The following ERBB2 variants were observed in gnomAD, a reference collection of about 807,000 sequenced individuals.
ERBB2 encodes the protein receptor tyrosine-protein kinase erbB-2.
ERBB2 carries 61 observed loss-of-function variants against 149.0 expected under a neutral mutation model. That is an observed-to-expected ratio of 0.41 (90% CI 0.33 to 0.51). ERBB2 has a LOEUF of 0.51. Ranked by LOEUF, ERBB2 falls within the 20% of genes least tolerant of loss-of-function variation. ERBB2 has a pLI of 0.25. For missense variants in ERBB2, 1,205 were observed against 1,655.1 expected (o/e 0.73, Z 4.72); for synonymous variants, 633 against 678.8 (o/e 0.93, Z 1.05).
chr17:39,698,998 A>AT (rs2057945551), upstream of ERBB2, among the ~76,000 whole-genome samples: 2 of 151,804 alleles, frequency 1.3e-5, no homozygotes, highest in Non-Finnish European at 2.9e-5. Context: ...CCCCACCCCT[A>AT]CCACTAGGCC....
In ERBB2 at chr17:39,726,405, G is replaced by A. The variant is rs750034833; in HGVS notation, c.2873-157G>A. 2 of 631,776 alleles carry A rather than the reference G, an allele frequency of 3.2e-6. No individual in the cohort carries two copies. Among genetic ancestry groups the A allele is most frequent in the Non-Finnish European group, 5.7e-6 (2 of 349,042 alleles). 39.1% of individuals were successfully genotyped at this position (631,776 alleles called of 1,614,324 possible). ...ACTAGAAGAGATGCCAAAGGTTCTG[G>A]CTGAAGACCCCAGAGTCTGGTGCTA... is the stretch of plus-strand genomic sequence containing the variant. On this transcript the variant is annotated intron_variant, in intron 23 of 26. Transcript: ENST00000269571. The surrounding 1 kb of genome is among the most constrained non-coding windows in gnomAD (Gnocchi z 5.1).
Position 39,723,892 on chromosome 17 carries a change from A to G in ERBB2, c.2209-20A>G. 6.2e-7 allele frequency: 1 copy of G among 1,601,478 alleles called. No homozygotes were observed. The highest frequency in any genetic ancestry group is 1.1e-5 in the South Asian group (1 of 90,802). ...TCCAGCCCACGCTCTTCTCACTCAT[A>G]TCCTCCTCTTTCTGCCCAGGGCATC... On this transcript the variant is annotated intron_variant, in intron 18 of 26. Transcript: ENST00000269571. The surrounding 1 kb of genome is among the most constrained non-coding windows in gnomAD (Gnocchi z 6.2).
chr17:39,712,485 GCAGA>G (rs1567902833), intron 9 of ERBB2, 37 bp downstream of exon 9: 2 of 1,607,512 alleles, frequency 1.2e-6, no homozygotes, highest in Admixed American at 1.7e-5. Context: ...CAGTGTCAGG[GCAGA>G]CAGAGTCCTG....
chr17:39,721,346 A>G (rs527963729), intron 16 of ERBB2, among the ~76,000 whole-genome samples: 1 of 148,048 alleles, frequency 6.8e-6, no homozygotes, highest in East Asian at 2.0e-4. Flanking sequence ...GCTCACTGCA[A>G]CCTCTGCCTC....
At chr17:39,724,548 G>A (rs2059640607) in intron 19 of ERBB2, among the ~76,000 whole-genome samples, 178 bp from the exon 20 acceptor site, 1 of 151,890 alleles carries the variant, frequency 6.6e-6, no homozygotes, top group African/African-American at 2.4e-5. Context: ...GTGAGCCACC[G>A]TGCCCGGCCT....
chr17:39,695,284 AAG>A (rs2057833581), upstream of ERBB2: 1 of 152,260 alleles, frequency 6.6e-6, no homozygotes, highest in African/African-American at 2.4e-5. Flanking sequence ...AGATGTGGGT[AAG>A]AGGGGCCCAG....
At position 39,723,877 on chromosome 17, in the gene ERBB2, G is replaced by A. The variant is rs1340911324; in HGVS notation, c.2209-35G>A. 6.4e-7 allele frequency: 1 copy of A among 1,573,038 alleles called. No homozygotes were observed. Among genetic ancestry groups the A allele is most frequent in the Non-Finnish European group, 8.7e-7 (1 of 1,143,092 alleles). On this transcript the variant is annotated intron_variant, in intron 18 of 26. Transcript: ENST00000269571. The surrounding 1 kb of genome is among the most constrained non-coding windows in gnomAD (Gnocchi z 6.2). ...GGAAGGCAGGTAGGATCCAGCCCAC[G>A]CTCTTCTCACTCATATCCTCCTCTT...
At chr17:39,705,097 A>G (rs2058346138) in intron 1 of ERBB2, among the ~76,000 whole-genome samples, 1 of 151,768 alleles carries the variant, frequency 6.6e-6, no homozygotes, top group South Asian at 2.1e-4. Flanking sequence ...TGCAAGATGG[A>G]GGTTGCAGCC....
chr17:39,710,564 C>T, intron 7 of ERBB2, 83 bp downstream of exon 7: 1 of 1,487,198 alleles, frequency 6.7e-7, no homozygotes, highest in Non-Finnish European at 9.2e-7. Context: ...GGAGCACTGT[C>T]TGCATCTTGC....
In ERBB2 at chr17:39,723,692, A is replaced by G. The variant is rs2145818541; in HGVS notation, c.2208+32A>G. 1 of 1,589,228 alleles carries G rather than the reference A, an allele frequency of 6.3e-7. No homozygotes were observed. Among genetic ancestry groups the G allele is most frequent in the Non-Finnish European group, 8.6e-7 (1 of 1,167,800 alleles). On this transcript the variant is annotated intron_variant, in intron 18 of 26. Coordinates refer to ENST00000269571, the MANE Select transcript of ERBB2 (RefSeq NM_004448.4). The surrounding 1 kb of genome is among the most constrained non-coding windows in gnomAD (Gnocchi z 6.2). ...GCCAGGTCCTGGGGTGGGCGGCCCC[A>G]GAGGATGGGGGCGGTGCCTGGAGGG...
At chr17:39,689,660 C>G (rs930019645) in intron 2 of ERBB2, among the ~76,000 whole-genome samples, 15 of 152,038 alleles carry the variant, frequency 9.9e-5, no homozygotes, top group Non-Finnish European at 4.4e-5. Context: ...AATCCCAGCA[C>G]TTTGGGAGGC....
Position 39,717,541 on chromosome 17 carries a change from C to T in ERBB2, c.1898+61C>T, listed in dbSNP as rs148188445. ...TTTCCTTTCAGGGGTCTTTCTGGGG[C>T]TCTTACTATAAAAGGGGACCAACTC... is the stretch of plus-strand genomic sequence containing the variant. On this transcript the variant is annotated intron_variant, in intron 15 of 26. Transcript: ENST00000269571. 3.4e-3 allele frequency: 4,931 copies of T among 1,440,464 alleles called. 13 individuals are homozygous for T. The highest frequency in any genetic ancestry group is 4.4e-3 in the Non-Finnish European group (4,637 of 1,053,520). The allele number at this position is 1,440,464 out of a possible 1,614,324, so 89.2% of individuals were successfully genotyped here.
upstream of ERBB2, among the ~76,000 whole-genome samples, chr17:39,692,018 T>C (rs772008592): frequency 2.7e-5 from 4 of 150,660 alleles, no homozygotes; most frequent in Non-Finnish European, 5.9e-5. Context: ...CACATCCGGC[T>C]AATTTTTGTA....
intron 11 of ERBB2, 85 bp from the exon 12 acceptor site, chr17:39,715,655 A>T (rs1597873113): frequency 6.4e-7 from 1 of 1,564,102 alleles, no homozygotes; most frequent in East Asian, 2.2e-5. Flanking sequence ...AAGTCTGCAG[A>T]GTGTGCTGGG....
At chr17:39,690,276 C>T (rs547593853), upstream of ERBB2, among the ~76,000 whole-genome samples, 3 of 152,164 alleles carry the variant, frequency 2.0e-5, no homozygotes, top group South Asian at 4.1e-4. Context: ...TGTAGAGACA[C>T]GGTCTTGCTA....
chr17:39,710,710 T>G (rs1244688743), intron 7 of ERBB2, among the ~76,000 whole-genome samples: 1 of 152,200 alleles, frequency 6.6e-6, no homozygotes, highest in Admixed American at 6.5e-5. Context: ...CCCAGCTCTA[T>G]CAATTAGTAG....
In ERBB2 at chr17:39,725,815, C is replaced by T. The variant is rs2059723988; in HGVS notation, c.2834C>T (p.Pro945Leu). ...LEKGERLPQPPICTIDVYMIM... is the reference protein window; with the variant it reads ...LEKGERLPQPLICTIDVYMIM... ...AAGGGGGAGCGGCTGCCCCAGCCCCCCATCTGCACCATTGATGTCTACATG... is the reference window on the plus strand; with the variant it reads ...AAGGGGGAGCGGCTGCCCCAGCCCCTCATCTGCACCATTGATGTCTACATG... Residue 945 changes from proline to leucine, a missense_variant, in exon 23 of 27, where the codon CCC (proline) becomes CTC (leucine). Around this residue, in one of 6 missense-constraint regions of ERBB2, gnomAD observed 63 missense variants for 74.2 expected, o/e 0.85. Coordinates refer to ENST00000269571, the MANE Select transcript of ERBB2 (RefSeq NM_004448.4). This position sits in a 1 kb window ranked among gnomAD's most constrained non-coding sequence, Gnocchi z 4.6. The T allele has an allele frequency of 6.2e-7, 1 of 1,613,882 alleles. No individual in the cohort carries two copies.
chr17:39,719,727 G>A (rs2145745442), intron 15 of ERBB2, 60 bp from the exon 16 acceptor site: 1 of 1,563,306 alleles, frequency 6.4e-7, no homozygotes, highest in Non-Finnish European at 8.8e-7. Context: ...TGTGAGGCTG[G>A]AAAGGTGGTT....
Position 39,726,506 on chromosome 17 carries a change from G to C in ERBB2, c.2873-56G>C. 6.9e-7 allele frequency: 1 copy of C among 1,443,886 alleles called. No individual in the cohort carries two copies. The highest frequency in any genetic ancestry group is 9.7e-7 in the Non-Finnish European group (1 of 1,027,480). 89.4% of individuals were successfully genotyped at this position (1,443,886 alleles called of 1,614,324 possible). A position where few individuals can be genotyped will look rare whatever the true frequency, so the allele number is the denominator to read the frequency against. On this transcript the variant is annotated intron_variant, in intron 23 of 26. Transcript: ENST00000269571. This position sits in a 1 kb window ranked among gnomAD's most constrained non-coding sequence, Gnocchi z 5.1. ...AGACTGGAGGGGGAGTGGGAGGGGA[G>C]AGGCAGCAAGCACACAGGGCCTGGG... is the stretch of plus-strand genomic sequence containing the variant.
Sources: gnomAD v4.1 joint callset for allele counts (sites outside exome capture counted in the v4.1 genomes callset) on GRCh38, gnomAD v4.1.1 for gene constraint, gnomAD v4.1.1 regional missense constraint, Gnocchi (gnomAD v3.1) non-coding constraint, MANE v1.5 for transcripts, NCBI Gene and HGNC (gene_info 2026-07-23, HGNC 2026-07-21) for gene names.